The following HDAC4 variants were observed in gnomAD, a reference collection of about 807,000 sequenced individuals.
HDAC4 encodes histone deacetylase 4.
In HDAC4, 16 loss-of-function variants were observed where a neutral mutation model predicts 135.1. That is an observed-to-expected ratio of 0.12 (90% CI 0.08 to 0.18). HDAC4 has a LOEUF of 0.18. Ranked by LOEUF, HDAC4 falls within the 10% of genes least tolerant of loss-of-function variation. The probability of loss-of-function intolerance (pLI) is 1.00; values close to 1 mark genes in which losing one functional copy is unlikely to be tolerated. For missense variants in HDAC4, 1,143 were observed against 1,511.8 expected, an observed-to-expected ratio of 0.76 and a Z score of 4.05; for synonymous variants, 685 against 653.4, an observed-to-expected ratio of 1.05 and a Z score of -0.74.
At chr2:239,107,559 G>A (rs947524553) in intron 15 of HDAC4, among the ~76,000 whole-genome samples, 6 of 152,258 alleles carry the variant, frequency 3.9e-5, no homozygotes. Context: ...CCAAGGGCCT[G>A]AGGTCTCCCT....
At chr2:239,133,140 AAAGAAGGAAT>A (rs1193194160) in intron 11 of HDAC4, among the ~76,000 whole-genome samples, 1 of 152,206 alleles carries the variant, frequency 6.6e-6, no homozygotes, top group Non-Finnish European at 1.5e-5. Flanking sequence ...GCTTCTGGGC[AAAGAAGGAAT>A]AAGAAGGAAT....
chr2:239,101,026 C>T (rs1406329491), intron 16 of HDAC4, among the ~76,000 whole-genome samples: 1 of 152,176 alleles, frequency 6.6e-6, no homozygotes, highest in South Asian at 2.1e-4. Flanking sequence ...TCCATAGCCT[C>T]TGCAGTTGCT....
intron 1 of HDAC4, among the ~76,000 whole-genome samples, chr2:239,386,676 C>T (rs1189133740): frequency 6.6e-6 from 1 of 152,182 alleles, no homozygotes; most frequent in Non-Finnish European, 1.5e-5. Flanking sequence ...GGTGTAAGAG[C>T]TTGACTTTCA....
intron 2 of HDAC4, among the ~76,000 whole-genome samples, chr2:239,275,320 T>G (rs2050293970): frequency 6.6e-6 from 1 of 152,230 alleles, no homozygotes; most frequent in Non-Finnish European, 1.5e-5. Context: ...ACATGTGGTT[T>G]GATTGACGCA....
intron 1 of HDAC4, among the ~76,000 whole-genome samples, chr2:239,386,920 C>A (rs1409396968): frequency 6.6e-6 from 1 of 152,230 alleles, no homozygotes. Flanking sequence ...CACCCTTCCT[C>A]ATTAGGTGGC....
chr2:239,232,555 A>T (rs1390005474), intron 3 of HDAC4, among the ~76,000 whole-genome samples: 4 of 113,276 alleles, frequency 3.5e-5, no homozygotes, highest in Non-Finnish European at 5.4e-5. Flanking sequence ...CCTTCCCCTC[A>T]CCAAGCCAAG....
chr2:239,394,338 T>C (rs1197683607), intron 1 of HDAC4, among the ~76,000 whole-genome samples: 1 of 152,254 alleles, frequency 6.6e-6, no homozygotes, highest in Non-Finnish European at 1.5e-5. Context: ...ATGTATCATA[T>C]TAAAATTATG....
intron 16 of HDAC4, among the ~76,000 whole-genome samples, chr2:239,101,611 C>T (rs557640319): frequency 2.0e-5 from 3 of 152,298 alleles, no homozygotes; most frequent in Non-Finnish European, 4.4e-5. Flanking sequence ...ATATGCTCTT[C>T]CCAGGGCAAA....
chr2:239,309,898 T>C lies in HDAC4; in HGVS notation c.22+42780A>G, dbSNP rs532761926. 6.6e-6 allele frequency among the ~76,000 whole-genome samples: 1 copy of C among 152,342 alleles called. No homozygotes were observed. The highest frequency in any genetic ancestry group is 2.1e-4 in the South Asian group (1 of 4,828). On this transcript the variant is annotated intron_variant, in intron 2 of 26. Coordinates refer to ENST00000543185, the MANE Select transcript of HDAC4 (RefSeq NM_001378414.1). This position sits in a 1 kb window ranked among gnomAD's most constrained non-coding sequence, Gnocchi z 4.2. ...GTGTTCTGGAAGCTGCCCCCTCCCA[T>C]GCTGCTGCCTGGTCCCATGGGGCAT...
At chr2:239,109,963 A>T (rs1408076232) in intron 14 of HDAC4, among the ~76,000 whole-genome samples, 1 of 152,218 alleles carries the variant, frequency 6.6e-6, no homozygotes, top group African/African-American at 2.4e-5. Context: ...GAAGCGGCAA[A>T]GCCCACACAG....
chr2:239,204,078 C>T (rs79735515), intron 3 of HDAC4, among the ~76,000 whole-genome samples: 3 of 152,204 alleles, frequency 2.0e-5, no homozygotes, highest in African/African-American at 7.2e-5. Context: ...GAAGAGAATT[C>T]GAACAATGAA....
intron 4 of HDAC4, among the ~76,000 whole-genome samples, chr2:239,184,701 A>C (rs1430992322): frequency 1.5e-5 from 1 of 65,410 alleles, no homozygotes; most frequent in Admixed American, 2.6e-4. Flanking sequence ...GTCCCGGAGG[A>C]TGTGTCCTAT....
intron 2 of HDAC4, among the ~76,000 whole-genome samples, chr2:239,297,353 C>T (rs1394527034): frequency 1.3e-5 from 2 of 152,212 alleles, no homozygotes; most frequent in Admixed American, 6.5e-5. Context: ...CAGAGAGCAG[C>T]GATCCGTGCC....
intron 3 of HDAC4, among the ~76,000 whole-genome samples, chr2:239,220,756 C>T (rs1400014062): frequency 6.6e-6 from 1 of 152,164 alleles, no homozygotes; most frequent in Non-Finnish European, 1.5e-5. Flanking sequence ...CACATCTCAA[C>T]TTTAAATGGA....
intron 2 of HDAC4, among the ~76,000 whole-genome samples, chr2:239,237,067 C>T (rs1015296058): frequency 6.6e-6 from 1 of 152,152 alleles, no homozygotes; most frequent in African/African-American, 2.4e-5. Flanking sequence ...CACAGAAACA[C>T]AGCACAGGGA....
intron 3 of HDAC4, among the ~76,000 whole-genome samples, chr2:239,232,618 G>A (rs1192295058): frequency 7.9e-6 from 1 of 125,914 alleles, no homozygotes; most frequent in Admixed American, 7.8e-5. Flanking sequence ...ACCAAGCCAA[G>A]GGTGGCCCTT....
chr2:239,307,092 T>C lies in HDAC4; in HGVS notation c.22+45586A>G, dbSNP rs1338364182. On this transcript the variant is annotated intron_variant, in intron 2 of 26. Transcript: ENST00000543185. This position sits in a 1 kb window ranked among gnomAD's most constrained non-coding sequence, Gnocchi z 4.8. Reference sequence around the variant, plus strand: ...AGCCCAGAGGCCCGAGTCGTCCGGATGGCCCATCTCAGGCCACACCCTCCA... The same window carrying C: ...AGCCCAGAGGCCCGAGTCGTCCGGACGGCCCATCTCAGGCCACACCCTCCA... 6.6e-6 allele frequency among the ~76,000 whole-genome samples: 1 copy of C among 152,064 alleles called. No individual in the cohort carries two copies. The highest frequency in any genetic ancestry group is 1.5e-5 in the Non-Finnish European group (1 of 67,984).
chr2:239,355,213 A>G (rs1693414874), intron 1 of HDAC4, among the ~76,000 whole-genome samples: 1 of 152,208 alleles, frequency 6.6e-6, no homozygotes, highest in Non-Finnish European at 1.5e-5. Flanking sequence ...GCTCAGGAAA[A>G]TGTTCTTCAA....
At chr2:239,282,143 ATGAACACACCACTCTACAC>A (rs2050807331) in intron 2 of HDAC4, among the ~76,000 whole-genome samples, 3 of 150,498 alleles carry the variant, frequency 2.0e-5, no homozygotes, top group African/African-American at 2.4e-5. Flanking sequence ...CCATGCTACA[ATGAACACACCACTCTACAC>A]TGAACACACC....
Sources: allele counts gnomAD v4.1 joint callset (sites outside exome capture counted in the v4.1 genomes callset), GRCh38; gene constraint gnomAD v4.1.1; non-coding constraint Gnocchi (gnomAD v3.1); transcripts MANE v1.5; gene names NCBI Gene and HGNC (gene_info 2026-07-23, HGNC 2026-07-21).